The following PCDH15 variants were observed in gnomAD, a reference collection of about 807,000 sequenced individuals.
The protein encoded by PCDH15 is protocadherin related 15.
In PCDH15, 129 loss-of-function variants were observed where a neutral mutation model predicts 178.5. The observed-to-expected ratio is 0.72, with a 90% CI of 0.63 to 0.84. The LOEUF (loss-of-function observed/expected upper bound fraction) is 0.84, where lower values mean the gene tolerates loss of function less well. Among genes scored for constraint, PCDH15 ranks in the 40% least tolerant of loss-of-function variants. The probability of loss-of-function intolerance (pLI) is 0.00; values close to 1 mark genes in which losing one functional copy is unlikely to be tolerated. For synonymous variants in PCDH15, 800 were observed against 732.0 expected, an observed-to-expected ratio of 1.09 and a Z score of -1.50; for missense variants, 2,230 against 2,099.9, an observed-to-expected ratio of 1.06 and a Z score of -1.21.
chr10:53,912,496 G>C (rs1214958077), intron 25 of PCDH15, among the ~76,000 whole-genome samples: 1 of 152,168 alleles, frequency 6.6e-6, no homozygotes, highest in African/African-American at 2.4e-5. Flanking sequence ...AAAAGAGGAA[G>C]TCAAATTGTC....
At chr10:53,870,301 A>G (rs933917646) in intron 26 of PCDH15, among the ~76,000 whole-genome samples, 2 of 152,192 alleles carry the variant, frequency 1.3e-5, no homozygotes, top group Non-Finnish European at 2.9e-5. Flanking sequence ...CTCAGAAATA[A>G]CTATTTTCTT....
chr10:54,170,650 T>C (rs1329915503), intron 13 of PCDH15, among the ~76,000 whole-genome samples: 1 of 151,416 alleles, frequency 6.6e-6, no homozygotes, highest in Non-Finnish European at 1.5e-5. Context: ...CTGACCCCCA[T>C]GACTGTATCC....
At position 55,450,350 on chromosome 10, in the gene PCDH15, G is replaced by C. The variant is rs534791631; in HGVS notation, c.-156+177275C>G. On this transcript the variant is annotated intron_variant, in intron 2 of 5. Transcript: ENST00000613346. Reference sequence around the variant, plus strand: ...AGTGATGAGAGGCACTGTCACTTTGGATAACAGATTACACTCACTCTTAGG... The same window carrying C: ...AGTGATGAGAGGCACTGTCACTTTGCATAACAGATTACACTCACTCTTAGG... 5.9e-5 allele frequency among the ~76,000 whole-genome samples: 9 copies of C among 152,264 alleles called. No individual in the cohort carries two copies. In the East Asian group the frequency reaches 1.7e-3, roughly 29 times the overall value.
chr10:54,079,377 TCAGTGCTTTCCCTGTC>T lies in PCDH15; in HGVS notation c.2029_2044del (p.Asp677IlefsTer5), dbSNP rs765906921. The T allele has an allele frequency of 4.3e-6, 7 of 1,613,992 alleles. No individual in the cohort carries two copies. The highest frequency in any genetic ancestry group is 5.9e-6 in the Non-Finnish European group (7 of 1,179,988). On this transcript the variant is annotated frameshift_variant, in exon 17 of 38. Coordinates refer to ENST00000644397, the MANE Select transcript of PCDH15 (RefSeq NM_001384140.1). LOFTEE classifies it high-confidence loss of function. Reference sequence around the variant, plus strand: ...AGCTGTGATGATCAGAATGTAGCGATCAGTGCTTTCCCTGTCCAGTGCTTTCCCTAAGGTTAGAATC... The same window carrying T: ...AGCTGTGATGATCAGAATGTAGCGATCAGTGCTTTCCCTAAGGTTAGAATC...
intron 9 of PCDH15, among the ~76,000 whole-genome samples, chr10:54,235,886 C>A (rs1442041182): frequency 6.6e-6 from 1 of 152,144 alleles, no homozygotes; most frequent in Non-Finnish European, 1.5e-5. Flanking sequence ...AGTCTGAGCT[C>A]TGCTTATGAT....
chr10:55,623,191 G>A (rs550752548), intron 2 of PCDH15, among the ~76,000 whole-genome samples: 12 of 152,130 alleles, frequency 7.9e-5, no homozygotes, highest in Admixed American at 7.9e-4. Flanking sequence ...ATTTGTACCC[G>A]AAGACTTTGA....
intron 1 of PCDH15, among the ~76,000 whole-genome samples, chr10:54,735,789 T>G (rs1944026681): frequency 8.4e-6 from 1 of 118,984 alleles, no homozygotes; most frequent in Non-Finnish European, 1.8e-5. Flanking sequence ...CACCGCATAT[T>G]CTCACTCATA....
chr10:54,752,521 C>CAAAAAAAAAAAAAAAAAA (rs1229369057), intron 1 of PCDH15, among the ~76,000 whole-genome samples: 2 of 58,894 alleles, frequency 3.4e-5, no homozygotes, highest in Admixed American at 1.6e-4. Context: ...AACAAACAAA[C>CAAAAAAAAAAAAAAAAAA]AAACAAACAA....
At chr10:54,026,967 G>C (rs981819491) in intron 18 of PCDH15, among the ~76,000 whole-genome samples, 63 of 148,974 alleles carry the variant, frequency 4.2e-4, no homozygotes, top group African/African-American at 1.4e-3. Flanking sequence ...AGGAAATAAA[G>C]GGTATTCAAT....
Position 54,236,190 on chromosome 10 carries a change from C to T in PCDH15, c.985+633G>A, listed in dbSNP as rs533040435. 7.2e-5 allele frequency among the ~76,000 whole-genome samples: 11 copies of T among 152,264 alleles called. 1 individual carries two copies. The South Asian group carries it at 1.4e-3, about 20-fold the overall frequency. On this transcript the variant is annotated intron_variant, in intron 9 of 37. Transcript: ENST00000644397. ...TCTGTCTAGAGGCTATGCAAATCAG[C>T]AACATCCATATTTCAGCAAAAGCAA... is the stretch of plus-strand genomic sequence containing the variant.
chr10:55,531,131 G>T (rs1402545923), intron 2 of PCDH15, among the ~76,000 whole-genome samples: 4 of 151,900 alleles, frequency 2.6e-5, no homozygotes, highest in African/African-American at 9.7e-5. Context: ...GAGTGTTTTA[G>T]CTATTTTTAA....
intron 2 of PCDH15, among the ~76,000 whole-genome samples, chr10:55,477,157 C>T (rs1224753743): frequency 6.6e-6 from 1 of 151,888 alleles, no homozygotes; most frequent in Admixed American, 6.6e-5. Flanking sequence ...AGATACTAAA[C>T]ATAAGAATAT....
chr10:55,555,716 G>T (rs1239009339), intron 2 of PCDH15, among the ~76,000 whole-genome samples: 2 of 152,020 alleles, frequency 1.3e-5, no homozygotes, highest in Admixed American at 1.3e-4. Context: ...AGTAATGAGG[G>T]TGCTTAGTGG....
At chr10:55,534,415 T>C (rs1470730744) in intron 2 of PCDH15, among the ~76,000 whole-genome samples, 2 of 151,960 alleles carry the variant, frequency 1.3e-5, no homozygotes, top group Non-Finnish European at 2.9e-5. Context: ...GCAAAGTACA[T>C]GAATAGACAC....
chr10:55,266,175 C>T (rs1359097758), intron 1 of PCDH15, among the ~76,000 whole-genome samples: 1 of 151,678 alleles, frequency 6.6e-6, no homozygotes, highest in Non-Finnish European at 1.5e-5. Context: ...ACATGTTTAA[C>T]TCATGCATAC....
intron 2 of PCDH15, among the ~76,000 whole-genome samples, chr10:54,985,736 T>C (rs928572826): frequency 3.9e-5 from 6 of 152,224 alleles, no homozygotes; most frequent in African/African-American, 1.4e-4. Flanking sequence ...CTTTACTGAA[T>C]GTATATCATT....
intron 5 of PCDH15, among the ~76,000 whole-genome samples, chr10:54,356,698 G>A (rs1945037969): frequency 6.6e-6 from 1 of 151,042 alleles, no homozygotes; most frequent in Non-Finnish European, 1.5e-5. Context: ...CAAAAAAAAA[G>A]CAAAAACTAT....
At chr10:55,397,543 C>A (rs1357588650) in intron 2 of PCDH15, among the ~76,000 whole-genome samples, 1 of 151,974 alleles carries the variant, frequency 6.6e-6, no homozygotes, top group Non-Finnish European at 1.5e-5. Flanking sequence ...TTATTTTACT[C>A]TTCATTTGTG....
intron 1 of PCDH15, among the ~76,000 whole-genome samples, chr10:55,241,520 A>C (rs1220173900): frequency 6.6e-6 from 1 of 152,084 alleles, no homozygotes. Context: ...CCCGGGCTCA[A>C]GTGATCATCC....
Sources: allele counts gnomAD v4.1 joint callset (sites outside exome capture counted in the v4.1 genomes callset), GRCh38; gene constraint gnomAD v4.1.1; transcripts MANE v1.5; gene names NCBI Gene and HGNC (gene_info 2026-07-23, HGNC 2026-07-21).